Variants in PIGN observed in about 807,000 individuals in gnomAD.
PIGN encodes the protein GPI ethanolamine phosphate transferase 1.
Under a neutral mutation model 125.4 loss-of-function variants are expected in PIGN, and 117 were observed. The ratio of observed to expected loss-of-function variants is 0.93; its 90% CI spans 0.80 to 1.09. The LOEUF (loss-of-function observed/expected upper bound fraction) is 1.09. Ranked by LOEUF, PIGN falls within the 50% of genes least tolerant of loss-of-function variation. The pLI is 0.00. For synonymous variants in PIGN, 392 were observed against 377.8 expected (o/e 1.04, Z -0.44); for missense variants, 1,075 against 1,094.9 (o/e 0.98, Z 0.26).
chr18:62,073,323 A>C (rs75771378), intron 29 of PIGN, among the ~76,000 whole-genome samples: 4,145 of 152,168 alleles, frequency 0.027, 66 homozygotes, highest in Middle Eastern at 0.085. Flanking sequence ...GGTGAAATCT[A>C]AGTAAAAAGT....
In PIGN at chr18:62,045,882, C is replaced by T; in HGVS notation, c.2770G>A (p.Gly924Ser). ...LLTTKKLRLC[G>S]KPKSHFM ...CACATGAAGTGACTTTTGGGTTTGC[C>T]ACATAGTCTGAGTTTCTTCGTTGTG... Residue 924 changes from glycine (G) to serine (S), a missense_variant, in exon 31 of 31, where the codon GGC (glycine) becomes AGC (serine). By Grantham distance (56) the Gly-to-Ser change is moderately conservative. Transcript: ENST00000640252. 1 of 1,613,806 alleles carries T rather than the reference C, an allele frequency of 6.2e-7. No homozygotes were observed. Among genetic ancestry groups the T allele is most frequent in the South Asian group, 1.1e-5 (1 of 91,066 alleles).
intron 30 of PIGN, among the ~76,000 whole-genome samples, chr18:62,051,096 G>T (rs943279095): frequency 7.5e-5 from 11 of 146,908 alleles, no homozygotes; most frequent in African/African-American, 2.5e-4. Flanking sequence ...TGCTGGATTC[G>T]GTTTGCCAGT....
intron 22 of PIGN, among the ~76,000 whole-genome samples, chr18:62,096,525 T>C (rs2034201598): frequency 1.5e-5 from 2 of 136,144 alleles, no homozygotes; most frequent in African/African-American, 2.8e-5. Flanking sequence ...TCTTTTTTTT[T>C]TTTTTTTTTT....
intron 23 of PIGN, among the ~76,000 whole-genome samples, chr18:62,018,540 C>T (rs1329528745): frequency 1.3e-5 from 2 of 152,190 alleles, no homozygotes; most frequent in African/African-American, 4.8e-5. Flanking sequence ...CCACCCATTA[C>T]TTTAGGAGGT....
chr18:62,096,072 A>C, intron 22 of PIGN, 122 bp from the exon 23 acceptor site: 1 of 535,962 alleles, frequency 1.9e-6, no homozygotes, highest in African/African-American at 1.9e-5. Context: ...AGGTGGGCAG[A>C]TCACCTGAGG....
chr18:62,142,903 G>A (rs1222505580), intron 11 of PIGN, among the ~76,000 whole-genome samples: 1 of 152,102 alleles, frequency 6.6e-6, no homozygotes, highest in Non-Finnish European at 1.5e-5. Context: ...CTGGTTAGAA[G>A]TAAAGGTAAA....
intron 11 of PIGN, among the ~76,000 whole-genome samples, chr18:62,141,216 G>A (rs993693262): frequency 6.6e-6 from 1 of 152,172 alleles, no homozygotes; most frequent in Non-Finnish European, 1.5e-5. Context: ...AAATTCTCAG[G>A]TAGGTTTTTT....
intron 28 of PIGN, chr18:62,075,938 T>G (rs1350923704): frequency 6.6e-6 from 1 of 151,684 alleles, no homozygotes; most frequent in African/African-American, 2.4e-5. Flanking sequence ...CATTGTTGAT[T>G]TTTTTTTTCT....
chr18:62,167,115 T>G (rs184716219), intron 1 of PIGN, among the ~76,000 whole-genome samples: 1 of 152,264 alleles, frequency 6.6e-6, no homozygotes, highest in African/African-American at 2.4e-5. Context: ...CACTAGAATG[T>G]AAGCTCCTTA....
At chr18:62,174,275 T>C (rs1267678301) in intron 1 of PIGN, 1 of 152,070 alleles carries the variant, frequency 6.6e-6, no homozygotes, top group Non-Finnish European at 1.5e-5. Context: ...AACACTTCCA[T>C]GGTAGCTCCT....
chr18:62,113,335 T>C lies in PIGN; in HGVS notation c.1252-19A>G, dbSNP rs954833347. Reference sequence around the variant, plus strand: ...GGGAGACCTATGGAGAAAAAACATATATAACTTGCTAACAGAAATAATAAG... The same window carrying C: ...GGGAGACCTATGGAGAAAAAACATACATAACTTGCTAACAGAAATAATAAG... On this transcript the variant is annotated intron_variant, in intron 15 of 30. Coordinates refer to ENST00000640252, the MANE Select transcript of PIGN (RefSeq NM_176787.5). 1.3e-6 allele frequency: 2 copies of C among 1,539,658 alleles called. No homozygotes were observed. Among genetic ancestry groups the C allele is most frequent in the Non-Finnish European group, 1.8e-6 (2 of 1,142,732 alleles).
At chr18:62,066,485 T>C (rs1250332865) in intron 30 of PIGN, among the ~76,000 whole-genome samples, 2 of 152,160 alleles carry the variant, frequency 1.3e-5, no homozygotes, top group African/African-American at 4.8e-5. Flanking sequence ...AGTAGAAGTG[T>C]TGGTTATTTT....
intron 16 of PIGN, among the ~76,000 whole-genome samples, chr18:62,110,728 C>G (rs1348595473): frequency 6.6e-6 from 1 of 151,958 alleles, no homozygotes; most frequent in African/African-American, 2.4e-5. Context: ...TTAGGACTTG[C>G]CTAACTAGGC....
intron 23 of PIGN, among the ~76,000 whole-genome samples, chr18:62,020,667 T>TGGCC (rs1461782053): frequency 1.3e-5 from 2 of 151,876 alleles, no homozygotes; most frequent in African/African-American, 4.8e-5. Context: ...TTTTAAAGAC[T>TGGCC]GGCCGGGCGC....
chr18:62,157,599 C>G lies in PIGN; in HGVS notation c.343+88G>C, dbSNP rs1031000736. Reference sequence around the variant, plus strand: ...TTGTCCAAAATATCTCAAAACATACCTTCACTTTGTGACATGATTAAGTGG... The same window carrying G: ...TTGTCCAAAATATCTCAAAACATACGTTCACTTTGTGACATGATTAAGTGG... On this transcript the variant is annotated intron_variant, in intron 5 of 30. Coordinates refer to ENST00000640252, the MANE Select transcript of PIGN (RefSeq NM_176787.5). 6.4e-6 allele frequency: 8 copies of G among 1,253,308 alleles called. No individual in the cohort carries two copies. The Admixed American group carries it at 1.4e-4, about 22-fold the overall frequency. The allele number at this position is 1,253,308 out of a possible 1,614,324, so 77.6% of individuals were successfully genotyped here.
At position 62,113,031 on chromosome 18, in the gene PIGN, T is replaced by A. The variant is rs1011298667; in HGVS notation, c.1434+103A>T. The A allele has an allele frequency of 3.8e-6, 3 of 785,450 alleles. No individual in the cohort carries two copies. In the South Asian group the frequency reaches 7.0e-5, roughly 18 times the overall value. 48.7% of individuals were successfully genotyped at this position (785,450 alleles called of 1,614,324 possible). ...AAAGCAAATGAAAGATAAACAAGAG[T>A]TAGCTTAGAACAATGACTTGCACAT... is the stretch of plus-strand genomic sequence containing the variant. On this transcript the variant is annotated intron_variant, in intron 16 of 30. Coordinates refer to ENST00000640252, the MANE Select transcript of PIGN (RefSeq NM_176787.5).
rs1262519891 is a variant in PIGN, at chr18:62,018,976, G to A, written c.2143-1235C>T. 3.9e-5 allele frequency among the ~76,000 whole-genome samples: 6 copies of A among 152,100 alleles called. No individual in the cohort carries two copies. The East Asian group carries it at 5.8e-4, about 15-fold the overall frequency. ...TCACACCTGTAATCTCAGTACTTTCGGAGGCCAGGGCTGGAGGATCATTTG... is the reference window on the plus strand; with the variant it reads ...TCACACCTGTAATCTCAGTACTTTCAGAGGCCAGGGCTGGAGGATCATTTG... On this transcript the variant is annotated intron_variant, in intron 23 of 24. Coordinates refer to the PIGN transcript ENST00000639600.
intron 23 of PIGN, among the ~76,000 whole-genome samples, chr18:62,021,375 A>G (rs2030053163): frequency 6.6e-6 from 1 of 152,242 alleles, no homozygotes; most frequent in African/African-American, 2.4e-5. Context: ...ACAGTTTTAT[A>G]GATACAGCCA....
At chr18:62,171,829 A>G (rs2037354344) in intron 1 of PIGN, among the ~76,000 whole-genome samples, 1 of 152,170 alleles carries the variant, frequency 6.6e-6, no homozygotes, top group East Asian at 1.9e-4. Context: ...AACCCCACTT[A>G]GTCATTAAGT....
Sources: allele counts gnomAD v4.1 joint callset (sites outside exome capture counted in the v4.1 genomes callset), GRCh38; gene constraint gnomAD v4.1.1; transcripts MANE v1.5; gene names NCBI Gene and HGNC (gene_info 2026-07-23, HGNC 2026-07-21).